The following ATXN7 variants were observed in gnomAD, a reference collection of about 807,000 sequenced individuals.
The protein encoded by ATXN7 is ataxin-7.
Under a neutral mutation model 70.5 loss-of-function variants are expected in ATXN7, and 12 were observed. That is an observed-to-expected ratio of 0.17 (90% confidence interval 0.11 to 0.28). The LOEUF is 0.28. ATXN7 is among the 10% of genes least tolerant of loss of function. The probability of loss-of-function intolerance (pLI) is 1.00; values close to 1 mark genes in which losing one functional copy is unlikely to be tolerated. For synonymous variants in ATXN7, 498 were observed against 448.7 expected (o/e 1.11, Z -1.39); for missense variants, 1,256 against 1,131.7 (o/e 1.11, Z -1.58).
At chr3:63,990,716 G>A (rs967634943) in intron 10 of ATXN7, 22 bp from the exon 11 acceptor site, 17 of 1,613,974 alleles carry the variant, frequency 1.1e-5, no homozygotes, top group Middle Eastern at 1.6e-4. Flanking sequence ...CAGCAAGCAC[G>A]CGGCTATGTT....
intron 4 of ATXN7, among the ~76,000 whole-genome samples, chr3:63,918,801 G>A (rs899282332): frequency 2.6e-5 from 4 of 152,074 alleles, no homozygotes; most frequent in African/African-American, 7.2e-5. Context: ...GACAGGAATC[G>A]GTAAAATCCA....
chr3:63,920,424 C>T (rs1704463477), intron 4 of ATXN7, among the ~76,000 whole-genome samples: 2 of 152,142 alleles, frequency 1.3e-5, no homozygotes, highest in African/African-American at 4.8e-5. Flanking sequence ...GTAAGAGGCC[C>T]TGTAACCCAG....
chr3:63,925,509 A>G (rs1212370315), intron 4 of ATXN7, among the ~76,000 whole-genome samples: 1 of 152,138 alleles, frequency 6.6e-6, no homozygotes, highest in African/African-American at 2.4e-5. Context: ...CGTGCTCATT[A>G]TGAGAATCTA....
At chr3:63,910,161 C>T (rs1389021375) in intron 2 of ATXN7, among the ~76,000 whole-genome samples, 1 of 152,184 alleles carries the variant, frequency 6.6e-6, no homozygotes, top group Non-Finnish European at 1.5e-5. Flanking sequence ...CATTGATCCC[C>T]ATTGGCTAGA....
At chr3:63,998,023 A>G (rs1219124378) in intron 12 of ATXN7, 2 of 985,326 alleles carry the variant, frequency 2.0e-6, no homozygotes, top group East Asian at 1.1e-4. Context: ...CAATATAAAC[A>G]CAGAAGACAT....
In ATXN7 at chr3:63,980,104, A is replaced by T; in HGVS notation, c.689A>T (p.Gln230Leu). The change falls in exon 6 of 13, where the codon CAG becomes CTG. Residue 230 changes from glutamine (Q) to leucine (L), a missense_variant. Coordinates refer to ENST00000674280, the MANE Select transcript of ATXN7 (RefSeq NM_001377405.1). ...KLLKSPKEKLQLRGNTRPMHP... is the reference protein window; with the variant it reads ...KLLKSPKEKLLLRGNTRPMHP... ...TTGAAATCACCCAAAGAGAAACTGC[A>T]GCTCAGGGGGAACACCAGGCCAATG... is the stretch of plus-strand genomic sequence containing the variant. 6.2e-7 allele frequency: 1 copy of T among 1,614,222 alleles called. No homozygotes were observed. The highest frequency in any genetic ancestry group is 8.5e-7 in the Non-Finnish European group (1 of 1,180,042).
At chr3:63,926,848 A>G (rs1254804985) in intron 4 of ATXN7, among the ~76,000 whole-genome samples, 1 of 151,822 alleles carries the variant, frequency 6.6e-6, no homozygotes, top group African/African-American at 2.4e-5. Context: ...CCAGTGTGTC[A>G]TGTTCCCCTC....
chr3:63,981,487 C>A (rs2075486555), intron 6 of ATXN7, among the ~76,000 whole-genome samples: 1 of 152,202 alleles, frequency 6.6e-6, no homozygotes, highest in Non-Finnish European at 1.5e-5. Context: ...TGTTAGCTTC[C>A]TACCAGTATT....
intron 6 of ATXN7, 98 bp from the exon 7 acceptor site, chr3:63,982,088 G>C: frequency 6.5e-7 from 1 of 1,536,150 alleles, no homozygotes; most frequent in South Asian, 1.2e-5. Flanking sequence ...GCAGCGCTTG[G>C]GTAGGCCCAG....
At chr3:63,994,225 GTTTT>G (rs745975438) in intron 11 of ATXN7, among the ~76,000 whole-genome samples, 1 of 152,012 alleles carries the variant, frequency 6.6e-6, no homozygotes, top group East Asian at 1.9e-4. Context: ...GGGGTTTTGG[GTTTT>G]TTTGTTTGTT....
chr3:63,897,905 C>T (rs544773937), intron 1 of ATXN7, among the ~76,000 whole-genome samples: 9 of 152,138 alleles, frequency 5.9e-5, no homozygotes, highest in Non-Finnish European at 1.0e-4. Flanking sequence ...TTTCCTTGTG[C>T]TTTTTAATAA....
intron 1 of ATXN7, among the ~76,000 whole-genome samples, chr3:63,870,923 T>C (rs551983617): frequency 2.6e-5 from 4 of 152,174 alleles, no homozygotes; most frequent in Non-Finnish European, 4.4e-5. Flanking sequence ...TAGATATATA[T>C]GTCTGTGTGT....
intron 6 of ATXN7, among the ~76,000 whole-genome samples, chr3:63,981,139 C>T (rs1011220852): frequency 6.6e-6 from 1 of 152,194 alleles, no homozygotes; most frequent in Non-Finnish European, 1.5e-5. Flanking sequence ...GGGTCCAGCA[C>T]CTGCTGCTGC....
upstream of ATXN7, chr3:63,863,814 C>CGGCGGCGGCGCAAGCTGAGGCGGCGGTT: frequency 4.1e-6 from 5 of 1,234,246 alleles, no homozygotes; most frequent in South Asian, 3.9e-5. Context: ...GCGGCGGCGG[C>CGGCGGCGGCGCAAGCTGAGGCGGCGGTT]GGCGGCGGCG....
chr3:63,994,233 G>GTTTGT (rs889697647), intron 11 of ATXN7, among the ~76,000 whole-genome samples: 5 of 152,136 alleles, frequency 3.3e-5, no homozygotes, highest in Admixed American at 6.5e-5. Context: ...GGGTTTTTTT[G>GTTTGT]TTTGTTTTGT....
At chr3:63,926,884 C>G (rs150114948) in intron 4 of ATXN7, among the ~76,000 whole-genome samples, 68 of 152,154 alleles carry the variant, frequency 4.5e-4, no homozygotes, top group African/African-American at 1.2e-3. Context: ...TCTCATTGTT[C>G]AACTCCTACT....
chr3:63,980,443 T>C (rs906516376), intron 6 of ATXN7: 4 of 450,818 alleles, frequency 8.9e-6, no homozygotes, highest in African/African-American at 3.9e-5. Context: ...ATGTCACTTA[T>C]CACAACAACC....
chr3:63,865,894 C>CAAAAAAAAAAAA (rs34205947), intron 1 of ATXN7, among the ~76,000 whole-genome samples: 6 of 16,560 alleles, frequency 3.6e-4, no homozygotes, highest in Admixed American at 1.2e-3. Flanking sequence ...GACTCCATCT[C>CAAAAAAAAAAAA]AAAAAAAAAA....
chr3:63,975,836 T>A (rs985197861), intron 5 of ATXN7, among the ~76,000 whole-genome samples: 1 of 152,160 alleles, frequency 6.6e-6, no homozygotes, highest in South Asian at 2.1e-4. Flanking sequence ...TGAAGCTCTG[T>A]CTCCCTCTCT....
Sources: gnomAD v4.1 joint callset for allele counts (sites outside exome capture counted in the v4.1 genomes callset) on GRCh38, gnomAD v4.1.1 for gene constraint, MANE v1.5 for transcripts, NCBI Gene and HGNC (gene_info 2026-07-23, HGNC 2026-07-21) for gene names.